The following LPAR4 variants were observed in gnomAD, a reference collection of about 807,000 sequenced individuals.
LPAR4 encodes the protein G-protein coupled receptor 23.
A neutral mutation model predicts 9.2 loss-of-function variants in LPAR4; 14 were observed. The observed-to-expected ratio is 1.51, with a 90% CI of 1.00 to 2.37. The LOEUF is 2.37. Among genes scored for constraint, LPAR4 ranks in the 30% most tolerant of loss-of-function variants. The pLI is 0.00. For synonymous variants in LPAR4, 131 were observed against 97.9 expected, an observed-to-expected ratio of 1.34 and a Z score of -1.99; for missense variants, 251 against 272.1, an observed-to-expected ratio of 0.92 and a Z score of 0.55.
Position 78,755,494 on chromosome X carries a change from G to A in LPAR4, c.625G>A (p.Glu209Lys), listed in dbSNP as rs755428031. 1 of 1,209,863 alleles carries A rather than the reference G, an allele frequency of 8.3e-7. No homozygotes were observed. The highest frequency in any genetic ancestry group is 1.8e-5 in the South Asian group (1 of 56,893). The change falls in exon 5 of 5, where the codon GAA becomes AAA. Residue 209 changes from glutamate to lysine, a missense_variant. By Grantham distance (56) the Glu-to-Lys change is moderately conservative. Coordinates refer to ENST00000614823, the MANE Select transcript of LPAR4 (RefSeq NM_001278000.3). ...TYLSKITIFIEVVGFIIPLIL... is the reference protein window; with the variant it reads ...TYLSKITIFIKVVGFIIPLIL... ...TTTATCCAAGATCACAATATTTATT[G>A]AAGTTGTTGGGTTTATCATTCCTCT...
chrX:78,754,168 C>T (rs1394808342), intron 4 of LPAR4, among the ~76,000 whole-genome samples: 1 of 110,890 alleles, frequency 9.0e-6, no homozygotes, highest in African/African-American at 3.3e-5. Flanking sequence ...AAATGTAGTT[C>T]AATTATGATT....
At position 78,756,232 on chromosome X, in the gene LPAR4, C is replaced by A; in HGVS notation, c.*250C>A. On this transcript the variant is annotated 3_prime_UTR_variant, in exon 5 of 5. Coordinates refer to ENST00000614823, the MANE Select transcript of LPAR4 (RefSeq NM_001278000.3). Reference sequence around the variant, plus strand: ...TGGAATTTCATTGTATCGCATTATCCAGGTGGCTAGTGGCATTTGATAATA... The same window carrying A: ...TGGAATTTCATTGTATCGCATTATCAAGGTGGCTAGTGGCATTTGATAATA... 1 of 333,452 alleles carries A rather than the reference C, an allele frequency of 3.0e-6. No homozygotes were observed. The allele number at this position is 333,452 out of a possible 1,213,427, so 27.5% of individuals were successfully genotyped here.
At chrX:78,754,285 A>T in intron 4 of LPAR4, among the ~76,000 whole-genome samples, 1 of 112,116 alleles carries the variant, frequency 8.9e-6, no homozygotes, top group East Asian at 2.8e-4. Context: ...TGAGACTCAC[A>T]AAATAATATA....
At chrX:78,754,161 TGTA>T (rs1020949111) in intron 4 of LPAR4, among the ~76,000 whole-genome samples, 3 of 111,635 alleles carry the variant, frequency 2.7e-5, no homozygotes, top group African/African-American at 9.8e-5. Context: ...CTTACATAAA[TGTA>T]GTTCAATTAT....
chrX:78,757,796 C>T lies in LPAR4; in HGVS notation c.*1814C>T, dbSNP rs2147509246. 8.9e-6 allele frequency among the ~76,000 whole-genome samples: 1 copy of T among 111,776 alleles called. No homozygotes were observed. Among genetic ancestry groups the T allele is most frequent in the Non-Finnish European group, 1.9e-5 (1 of 53,019 alleles). On this transcript the variant is annotated 3_prime_UTR_variant, in exon 5 of 5. Transcript: ENST00000614823. ...ATCAATTTTTAAAATATTTGGATAACATGGCAATTTAAAAATGCTAAGAAT... is the reference window on the plus strand; with the variant it reads ...ATCAATTTTTAAAATATTTGGATAATATGGCAATTTAAAAATGCTAAGAAT...
rs781268173 is a variant in LPAR4, at chrX:78,755,055, T to A, written c.186T>A (p.Phe62Leu). ...LGLITNSVSL[F>L]VFCFRMKMRS... Reference sequence around the variant, plus strand: ...TGATAACCAACAGTGTCTCTCTGTTTGTCTTCTGTTTCCGCATGAAAATGA... The same window carrying A: ...TGATAACCAACAGTGTCTCTCTGTTAGTCTTCTGTTTCCGCATGAAAATGA... Residue 62 changes from phenylalanine to leucine, a missense_variant, in exon 5 of 5, where the codon TTT becomes TTA. Coordinates refer to ENST00000614823, the MANE Select transcript of LPAR4 (RefSeq NM_001278000.3). The A allele has an allele frequency of 8.3e-7, 1 of 1,207,793 alleles. No homozygotes were observed.
rs1925344962 is a variant in LPAR4, at chrX:78,757,262, A to G, written c.*1280A>G. On this transcript the variant is annotated 3_prime_UTR_variant, in exon 5 of 5. Coordinates refer to ENST00000614823, the MANE Select transcript of LPAR4 (RefSeq NM_001278000.3). ...TAACATTTTGAAGCACAACGCAGCTACCAAGTGGCTAAATTCGTCTCCTGG... is the reference window on the plus strand; with the variant it reads ...TAACATTTTGAAGCACAACGCAGCTGCCAAGTGGCTAAATTCGTCTCCTGG... Among the ~76,000 whole-genome samples the G allele has an allele frequency of 8.9e-6, 1 of 111,880 alleles. No homozygotes were observed. Among genetic ancestry groups the G allele is most frequent in the Non-Finnish European group, 1.9e-5 (1 of 53,049 alleles).
In LPAR4 at chrX:78,754,982, A is replaced by T. The variant is rs1345823704; in HGVS notation, c.113A>T (p.Lys38Met). 8.3e-7 allele frequency: 1 copy of T among 1,208,423 alleles called. No homozygotes were observed. Among genetic ancestry groups the T allele is most frequent in the Non-Finnish European group, 1.1e-6 (1 of 893,898 alleles). The change falls in exon 5 of 5, where the codon AAG (lysine) becomes ATG (methionine). Residue 38 changes from lysine (K) to methionine (M), a missense_variant. Physicochemically the swap from Lys to Met is moderately conservative, Grantham distance 95. Transcript: ENST00000614823. ...NNTCIVDDSFKYNLNGAVYSV... is the reference protein window; with the variant it reads ...NNTCIVDDSFMYNLNGAVYSV... ...ACTTGCATTGTTGATGATTCCTTCA[A>T]GTATAATCTCAATGGTGCTGTCTAC...
Position 78,754,788 on chromosome X carries a change from T to A in LPAR4, c.-79-3T>A. 1.2e-6 allele frequency: 1 copy of A among 848,530 alleles called. No homozygotes were observed. Among genetic ancestry groups the A allele is most frequent in the Non-Finnish European group, 1.6e-6 (1 of 609,106 alleles). The allele number at this position is 848,530 out of a possible 1,213,427, so 69.9% of individuals were successfully genotyped here. Reference sequence around the variant, plus strand: ...ATTATTTGTTCCATCTTGTCTCTCATAGGAGGAAAATATTTCCTACCGGTC... The same window carrying A: ...ATTATTTGTTCCATCTTGTCTCTCAAAGGAGGAAAATATTTCCTACCGGTC... On this transcript the variant is annotated splice_polypyrimidine_tract_variant and splice_region_variant and intron_variant, in intron 4 of 4. Transcript: ENST00000614823.
In LPAR4 at chrX:78,757,444, T is replaced by C. The variant is rs1284608529; in HGVS notation, c.*1462T>C. Among the ~76,000 whole-genome samples the C allele has an allele frequency of 8.9e-6, 1 of 111,759 alleles. No individual in the cohort carries two copies. Among genetic ancestry groups the C allele is most frequent in the African/African-American group, 3.2e-5 (1 of 30,876 alleles). ...ATAATGCTTTGGATCAAATTGCAAC[T>C]AAGAAGCTGCTAAAATGGCACCCAG... On this transcript the variant is annotated 3_prime_UTR_variant, in exon 5 of 5. Transcript: ENST00000614823.
intron 4 of LPAR4, among the ~76,000 whole-genome samples, chrX:78,751,758 T>G (rs1925072617): frequency 9.0e-6 from 1 of 111,290 alleles, no homozygotes; most frequent in African/African-American, 3.3e-5. Context: ...CCCAAAGATC[T>G]GGGGCTTCTG....
rs1003513559 is a variant in LPAR4 at position 78,756,115 on chromosome X, A to T, written c.*133A>T. The T allele has an allele frequency of 1.1e-5, 6 of 534,550 alleles. No individual in the cohort carries two copies. The African/African-American group carries it at 1.2e-4, about 11-fold the overall frequency. The allele number at this position is 534,550 out of a possible 1,213,427, so 44.1% of individuals were successfully genotyped here. A position where few individuals can be genotyped will look rare whatever the true frequency, so the allele number is the denominator to read the frequency against. On this transcript the variant is annotated 3_prime_UTR_variant, in exon 5 of 5. Transcript: ENST00000614823. ...GTCAGATACATTTGTTTGAAGGTAT[A>T]CTGTAGAGTTTTTATTGCTGTTTTG...
At position 78,756,058 on chromosome X, in the gene LPAR4, C is replaced by G. The variant is rs148100641; in HGVS notation, c.*76C>G. On this transcript the variant is annotated 3_prime_UTR_variant, in exon 5 of 5. Coordinates refer to ENST00000614823, the MANE Select transcript of LPAR4 (RefSeq NM_001278000.3). ...TATGCTATAAACTAAAGATTTGAAG[C>G]TAATGATACTGAGAATAATGCACCA... The G allele has an allele frequency of 1.1e-3, 878 of 792,048 alleles. 1 individual carries two copies. The African/African-American group carries it at 0.017, about 15-fold the overall frequency. The allele number at this position is 792,048 out of a possible 1,213,427, so 65.3% of individuals were successfully genotyped here. A position where few individuals can be genotyped will look rare whatever the true frequency, so the allele number is the denominator to read the frequency against.
chrX:78,751,736 C>T (rs765518559), intron 4 of LPAR4, among the ~76,000 whole-genome samples: 2 of 110,806 alleles, frequency 1.8e-5, no homozygotes, highest in East Asian at 5.7e-4. Context: ...TTGGGAACAC[C>T]CAAAAATTGT....
chrX:78,753,386 T>C (rs746808557), intron 4 of LPAR4, among the ~76,000 whole-genome samples: 112 of 111,584 alleles, frequency 1.0e-3, no homozygotes, highest in Non-Finnish European at 1.9e-3. Context: ...AAGAGCCAAA[T>C]GTCTTTCTGG....
Position 78,757,686 on chromosome X carries a change from C to G in LPAR4, c.*1704C>G, listed in dbSNP as rs771520394. Reference sequence around the variant, plus strand: ...CAGTGGAAATAAACCCTCGTATACACACATACACAGCAGCAGCAACAACAA... The same window carrying G: ...CAGTGGAAATAAACCCTCGTATACAGACATACACAGCAGCAGCAACAACAA... On this transcript the variant is annotated 3_prime_UTR_variant, in exon 5 of 5. Coordinates refer to ENST00000614823, the MANE Select transcript of LPAR4 (RefSeq NM_001278000.3). Among the ~76,000 whole-genome samples, 1 of 111,430 alleles carries G rather than the reference C, an allele frequency of 9.0e-6. No homozygotes were observed. Among genetic ancestry groups the G allele is most frequent in the East Asian group, 2.8e-4 (1 of 3,585 alleles).
At chrX:78,751,799 A>G (rs952050131) in intron 4 of LPAR4, among the ~76,000 whole-genome samples, 1 of 111,019 alleles carries the variant, frequency 9.0e-6, no homozygotes, top group African/African-American at 3.3e-5. Context: ...TCAAGACTCA[A>G]GACAATTTTA....
Position 78,750,705 on chromosome X carries a change from TCCTCTTC to T in LPAR4, c.-244-14_-244-8del, listed in dbSNP as rs1313684914. 1 of 109,659 alleles carries T rather than the reference TCCTCTTC, an allele frequency of 9.1e-6. No homozygotes were observed. The highest frequency in any genetic ancestry group is 1.9e-5 in the Non-Finnish European group (1 of 52,474). 9.0% of individuals were successfully genotyped at this position (109,659 alleles called of 1,213,427 possible). ...CTCCACCTGTTGTTCCAGTCATCTT[TCCTCTTC>T]CCTCTTCCCTTATTAAGGACCCTGC... is the stretch of plus-strand genomic sequence containing the variant. On this transcript the variant is annotated intron_variant, in intron 2 of 4. Transcript: ENST00000614823.
At chrX:78,754,449 C>A (rs2147503706) in intron 4 of LPAR4, among the ~76,000 whole-genome samples, 1 of 111,513 alleles carries the variant, frequency 9.0e-6, no homozygotes, top group South Asian at 3.7e-4. Context: ...AAGTTCAAGC[C>A]GATCATAGTG....
Sources: gnomAD v4.1 joint callset for allele counts (sites outside exome capture counted in the v4.1 genomes callset) on GRCh38, gnomAD v4.1.1 for gene constraint, MANE v1.5 for transcripts, NCBI Gene and HGNC (gene_info 2026-07-23, HGNC 2026-07-21) for gene names.